Variants in PTPRT observed in about 807,000 individuals in gnomAD.
PTPRT encodes the protein receptor-type tyrosine-protein phosphatase T.
Under a neutral mutation model 176.8 loss-of-function variants are expected in PTPRT, and 56 were observed. The observed-to-expected ratio is 0.32, with a 90% CI of 0.26 to 0.40. The LOEUF (loss-of-function observed/expected upper bound fraction) is 0.40, where lower values mean the gene tolerates loss of function less well. PTPRT is among the 10% of genes least tolerant of loss of function. The probability of loss-of-function intolerance (pLI) is 1.00; values close to 1 mark genes in which losing one functional copy is unlikely to be tolerated. For missense variants in PTPRT, 1,540 were observed against 1,908.2 expected (o/e 0.81, Z 3.60); for synonymous variants, 783 against 739.0 (o/e 1.06, Z -0.96).
intron 1 of PTPRT, among the ~76,000 whole-genome samples, chr20:43,038,764 A>G (rs987921733): frequency 7.2e-5 from 11 of 152,356 alleles, no homozygotes; most frequent in Admixed American, 6.5e-4. Context: ...CAGATATAAA[A>G]TATGTGCCTA....
chr20:42,759,841 A>G (rs764941980), intron 5 of PTPRT, among the ~76,000 whole-genome samples: 11 of 152,180 alleles, frequency 7.2e-5, no homozygotes, highest in South Asian at 6.2e-4. Context: ...CCACGAGTCA[A>G]CTCAACAAAT....
At chr20:42,411,641 G>A (rs756879487) in intron 9 of PTPRT, among the ~76,000 whole-genome samples, 1 of 151,484 alleles carries the variant, frequency 6.6e-6, no homozygotes, top group East Asian at 1.9e-4. Context: ...ATACAAGGAC[G>A]AACATTACTA....
intron 1 of PTPRT, among the ~76,000 whole-genome samples, chr20:42,979,974 G>A (rs570542263): frequency 1.0e-4 from 13 of 126,920 alleles, no homozygotes; most frequent in East Asian, 5.5e-4. Flanking sequence ...CAAGTATGCC[G>A]GCCGGGAAGG....
At chr20:42,515,767 G>A (rs563671457) in intron 7 of PTPRT, among the ~76,000 whole-genome samples, 2 of 151,816 alleles carry the variant, frequency 1.3e-5, no homozygotes, top group East Asian at 3.9e-4. Context: ...TATACCCAAA[G>A]GACTATAAAT....
intron 14 of PTPRT, 111 bp from the exon 15 acceptor site, chr20:42,236,369 C>A (rs566511478): frequency 3.3e-6 from 3 of 919,728 alleles, no homozygotes; most frequent in South Asian, 3.0e-5. Flanking sequence ...TAGAAATGCA[C>A]ATATTATTTC....
intron 1 of PTPRT, among the ~76,000 whole-genome samples, chr20:42,975,514 T>A (rs1370534302): frequency 6.6e-6 from 1 of 152,240 alleles, no homozygotes; most frequent in Non-Finnish European, 1.5e-5. Context: ...TGGCAAATTT[T>A]TATTTTAAAA....
At chr20:42,443,053 T>C (rs897165617) in intron 9 of PTPRT, among the ~76,000 whole-genome samples, 22 of 152,206 alleles carry the variant, frequency 1.4e-4, no homozygotes, top group Admixed American at 2.0e-4. Context: ...TATGCAGATG[T>C]CATGATTTCC....
At chr20:42,068,923 C>G, downstream of PTPRT, among the ~76,000 whole-genome samples, 1 of 152,206 alleles carries the variant, frequency 6.6e-6, no homozygotes, top group Admixed American at 6.5e-5. Context: ...GATTCATCTT[C>G]TATCTCAGCA....
intron 1 of PTPRT, among the ~76,000 whole-genome samples, chr20:43,109,496 A>G (rs893071033): frequency 3.3e-5 from 5 of 152,122 alleles, no homozygotes; most frequent in Non-Finnish European, 5.9e-5. Flanking sequence ...AAGATTTGAT[A>G]TTCACACTCA....
At chr20:42,298,070 G>T (rs1350850592) in intron 12 of PTPRT, among the ~76,000 whole-genome samples, 1 of 151,952 alleles carries the variant, frequency 6.6e-6, no homozygotes, top group Non-Finnish European at 1.5e-5. Flanking sequence ...AAAGTCAACA[G>T]ATAAATCACA....
chr20:42,790,338 C>T (rs1174350795), intron 3 of PTPRT, among the ~76,000 whole-genome samples: 1 of 151,428 alleles, frequency 6.6e-6, no homozygotes. Flanking sequence ...TGCATCAGTT[C>T]GCAAGGAGAT....
At chr20:42,921,111 C>T (rs1979119136) in intron 1 of PTPRT, among the ~76,000 whole-genome samples, 2 of 152,116 alleles carry the variant, frequency 1.3e-5, no homozygotes, top group African/African-American at 4.8e-5. Flanking sequence ...ATGAGTGATT[C>T]CGATAATTAT....
chr20:42,642,135 G>A (rs1369121517), intron 7 of PTPRT, among the ~76,000 whole-genome samples: 2 of 152,136 alleles, frequency 1.3e-5, no homozygotes, highest in Non-Finnish European at 2.9e-5. Context: ...AGTGCCAAAT[G>A]GTCTGTTTCT....
intron 7 of PTPRT, among the ~76,000 whole-genome samples, chr20:42,480,077 A>G (rs1046342975): frequency 6.6e-6 from 1 of 152,170 alleles, no homozygotes; most frequent in African/African-American, 2.4e-5. Context: ...TCACGTGTTC[A>G]TTGTCTCATT....
At chr20:42,343,715 T>C (rs1327987339) in intron 11 of PTPRT, among the ~76,000 whole-genome samples, 1 of 152,202 alleles carries the variant, frequency 6.6e-6, no homozygotes, top group Non-Finnish European at 1.5e-5. Context: ...TGGAGATGAG[T>C]GTAGGTTTCC....
At chr20:42,246,627 A>G (rs2056455948) in intron 14 of PTPRT, among the ~76,000 whole-genome samples, 1 of 152,212 alleles carries the variant, frequency 6.6e-6, no homozygotes, top group African/African-American at 2.4e-5. Context: ...ACACTCACAC[A>G]TTTCAGAAAT....
rs995341159 is a variant in PTPRT at position 42,270,285 on chromosome 20, T to C, written c.2176+12204A>G. 5 of 735,928 alleles carry C rather than the reference T, an allele frequency of 6.8e-6. No individual in the cohort carries two copies. In the African/African-American group the frequency reaches 2.3e-4, roughly 33 times the overall value. The allele number at this position is 735,928 out of a possible 1,614,324, so 45.6% of individuals were successfully genotyped here. ...ATGGGTGAATGGGTGGGGGGGTGGG[T>C]GGGTGGGTGGGGTGGAAAGACTGCT... On this transcript the variant is annotated intron_variant, in intron 13 of 30. Transcript: ENST00000373187.
At chr20:42,489,201 C>G (rs1352507601) in intron 7 of PTPRT, among the ~76,000 whole-genome samples, 1 of 151,936 alleles carries the variant, frequency 6.6e-6, no homozygotes, top group Non-Finnish European at 1.5e-5. Context: ...AAATGTCTCC[C>G]TAATGGTAGA....
chr20:42,362,158 C>T (rs1464498657), intron 9 of PTPRT, among the ~76,000 whole-genome samples: 2 of 151,956 alleles, frequency 1.3e-5, no homozygotes, highest in African/African-American at 2.4e-5. Context: ...CCCAGCTACT[C>T]GGGAGGCTGA....
Sources: gnomAD v4.1 joint callset for allele counts (sites outside exome capture counted in the v4.1 genomes callset) on GRCh38, gnomAD v4.1.1 for gene constraint, MANE v1.5 for transcripts, NCBI Gene and HGNC (gene_info 2026-07-23, HGNC 2026-07-21) for gene names.